The following KLK1 variants were observed in gnomAD, a reference collection of about 807,000 sequenced individuals.
KLK1 encodes kallikrein 1, also known as kallikrein-1.
KLK1 carries 22 observed loss-of-function variants against 23.3 expected under a neutral mutation model. The ratio of observed to expected loss-of-function variants is 0.95; its 90% CI spans 0.68 to 1.35. KLK1 has a LOEUF of 1.35. Among genes scored for constraint, KLK1 ranks in the 40% most tolerant of loss-of-function variants. KLK1 has a pLI of 0.00. For missense variants in KLK1, 301 were observed against 338.9 expected, an observed-to-expected ratio of 0.89 and a Z score of 0.88; for synonymous variants, 140 against 135.8, an observed-to-expected ratio of 1.03 and a Z score of -0.21.
In KLK1 at chr19:50,821,674, A is replaced by C; in HGVS notation, c.206+38T>G. The C allele has an allele frequency of 6.5e-7, 1 of 1,541,050 alleles. No individual in the cohort carries two copies. ...ACTGGCCTGTCAATCCTGTGGCAGC[A>C]TAGATGCCCTCCTCCCAGACCCCAG... On this transcript the variant is annotated intron_variant, in intron 2 of 4. Transcript: ENST00000301420. This position sits in a 1 kb window ranked among gnomAD's most constrained non-coding sequence, Gnocchi z 5.6.
rs528369540 is a variant in KLK1 at position 50,822,755 on chromosome 19, G to T, written c.47-884C>A. 243 of 985,302 alleles carry T rather than the reference G, an allele frequency of 2.5e-4. 2 individuals carry two copies. In the South Asian group the frequency reaches 4.8e-3, roughly 19 times the overall value. 61.0% of individuals were successfully genotyped at this position (985,302 alleles called of 1,614,324 possible). On this transcript the variant is annotated intron_variant, in intron 1 of 4. Transcript: ENST00000301420. ...TGGTCTGAGGGTACTGGAAGGATATGGGGTCCTCTTGGAGGCAATCCTAGG... is the reference window on the plus strand; with the variant it reads ...TGGTCTGAGGGTACTGGAAGGATATTGGGTCCTCTTGGAGGCAATCCTAGG...
chr19:50,822,850 C>T (rs2659058), intron 1 of KLK1: 668,965 of 979,162 alleles, frequency 0.68, 229,176 homozygotes, highest in East Asian at 0.8. Context: ...ACCCACTTGA[C>T]GTGAGGTTGT....
At position 50,822,730 on chromosome 19, in the gene KLK1, T is replaced by C. The variant is rs566532886; in HGVS notation, c.47-859A>G. On this transcript the variant is annotated intron_variant, in intron 1 of 4. Transcript: ENST00000301420. ...TCGTTTCTCATGGGGATGGGGTTCATGGTCTGAGGGTACTGGAAGGATATG... is the reference window on the plus strand; with the variant it reads ...TCGTTTCTCATGGGGATGGGGTTCACGGTCTGAGGGTACTGGAAGGATATG... The C allele has an allele frequency of 2.5e-4, 247 of 985,274 alleles. No individual in the cohort carries two copies. In the African/African-American group the frequency reaches 4.2e-3, roughly 17 times the overall value. 61.0% of individuals were successfully genotyped at this position (985,274 alleles called of 1,614,324 possible).
rs75640863 is a variant in KLK1, at chr19:50,822,866, C to T, written c.46+837G>A. ...CCCACTTGACGTGAGGTTGTAGAAT[C>T]ACATACTGACTTGGGGGAGGCCAGG... On this transcript the variant is annotated intron_variant, in intron 1 of 4. Coordinates refer to ENST00000301420, the MANE Select transcript of KLK1 (RefSeq NM_002257.4). 1,783 of 984,284 alleles carry T rather than the reference C, an allele frequency of 1.8e-3. 4 individuals carry two copies. Among genetic ancestry groups the T allele is most frequent in the African/African-American group, 9.6e-3 (549 of 57,298 alleles). The allele number at this position is 984,284 out of a possible 1,614,324, so 61.0% of individuals were successfully genotyped here.
At position 50,820,233 on chromosome 19, in the gene KLK1, G is replaced by A. The variant is rs764872324; in HGVS notation, c.417C>T (p.Val139=). Reference sequence around the variant, plus strand: ...CGGGTTCCTCGGTGGGCAACTCCACGACCTTCACAGCATCTGTGATGGTAT... The same window carrying A: ...CGGGTTCCTCGGTGGGCAACTCCACAACCTTCACAGCATCTGTGATGGTAT... The part of the protein sequence containing the change: ...PADTITDAVK[V]VELPTEEPEV... Residue 139 remains valine, a synonymous_variant, in exon 3 of 5, where the codon GTC becomes GTT. Transcript: ENST00000301420. 6.8e-6 allele frequency: 11 copies of A among 1,613,126 alleles called. No individual in the cohort carries two copies. The highest frequency in any genetic ancestry group is 1.7e-4 in the Middle Eastern group (1 of 6,058).
At position 50,820,055 on chromosome 19, in the gene KLK1, A is replaced by G. The variant is rs753375522; in HGVS notation, c.497-20T>C. 6.2e-7 allele frequency: 1 copy of G among 1,613,122 alleles called. No homozygotes were observed. Among genetic ancestry groups the G allele is most frequent in the Non-Finnish European group, 8.5e-7 (1 of 1,179,524 alleles). ...ATGAGACTACGAACCCGGGAGAAAA[A>G]GGGCTGCAGCCCGACCTCACCTGCT... On this transcript the variant is annotated intron_variant, in intron 3 of 4. Transcript: ENST00000301420.
chr19:50,820,511 T>TGGGGGTTGGGTTGTTG, intron 2 of KLK1, 68 bp from the exon 3 acceptor site: 1 of 135,884 alleles, frequency 7.4e-6, no homozygotes, highest in Non-Finnish European at 1.5e-5. Flanking sequence ...CAGGGGAGCA[T>TGGGGGTTGGGTTGTTG]GGGGGAGGGT....
In KLK1 at chr19:50,821,221, C is replaced by T. The variant is rs1263433431; in HGVS notation, c.206+491G>A. 6.6e-6 allele frequency among the ~76,000 whole-genome samples: 1 copy of T among 152,164 alleles called. No homozygotes were observed. Among genetic ancestry groups the T allele is most frequent in the Non-Finnish European group, 1.5e-5 (1 of 68,026 alleles). On this transcript the variant is annotated intron_variant, in intron 2 of 4. Coordinates refer to ENST00000301420, the MANE Select transcript of KLK1 (RefSeq NM_002257.4). This position sits in a 1 kb window ranked among gnomAD's most constrained non-coding sequence, Gnocchi z 5.6. ...ATATCCTGTGGGGCGGGGAGCTGGA[C>T]AGAGGGAGAGGCGCCCCCTCCCAGG... is the stretch of plus-strand genomic sequence containing the variant.
intron 1 of KLK1, chr19:50,822,548 T>A (rs1453330317): frequency 1.0e-6 from 1 of 985,210 alleles, no homozygotes; most frequent in Non-Finnish European, 1.2e-6. Flanking sequence ...GAGGTGGGCT[T>A]CCGAGAGGTT....
Position 50,820,625 on chromosome 19 carries a change from T to C in KLK1, c.207-182A>G, listed in dbSNP as rs2659103. 3 of 552,628 alleles carry C rather than the reference T, an allele frequency of 5.4e-6. No individual in the cohort carries two copies. The African/African-American group carries it at 5.7e-5, about 11-fold the overall frequency. 34.2% of individuals were successfully genotyped at this position (552,628 alleles called of 1,614,324 possible). A position where few individuals can be genotyped will look rare whatever the true frequency, so the allele number is the denominator to read the frequency against. On this transcript the variant is annotated intron_variant, in intron 2 of 4. Transcript: ENST00000301420. ...AGACAGCGAATGGGAAGATGAAAGATTTTGAGAGTGCAAAAGGCAAATGAA... is the reference window on the plus strand; with the variant it reads ...AGACAGCGAATGGGAAGATGAAAGACTTTGAGAGTGCAAAAGGCAAATGAA...
chr19:50,820,224 CAACTCCA>C lies in KLK1; in HGVS notation c.419_425del (p.Val140GlyfsTer52). 6.2e-7 allele frequency: 1 copy of C among 1,612,430 alleles called. No individual in the cohort carries two copies. The highest frequency in any genetic ancestry group is 8.5e-7 in the Non-Finnish European group (1 of 1,178,704). ...TCCCCACTTCGGGTTCCTCGGTGGG[CAACTCCA>C]CGACCTTCACAGCATCTGTGATGGT... On this transcript the variant is annotated frameshift_variant, in exon 3 of 5. Transcript: ENST00000301420. LOFTEE classifies it high-confidence loss of function.
At chr19:50,820,729 A>G (rs1297261226) in intron 2 of KLK1, 2 of 318,110 alleles carry the variant, frequency 6.3e-6, no homozygotes, top group Non-Finnish European at 5.8e-6. Flanking sequence ...CAGGGTGAGC[A>G]AAAAAGAGGC....
At chr19:50,823,012 C>T in intron 1 of KLK1, 1 of 597,748 alleles carries the variant, frequency 1.7e-6, no homozygotes, top group Non-Finnish European at 2.1e-6. Context: ...GGAACTTCCC[C>T]AAGGAAAGGA....
chr19:50,820,506 GAGCA>G, intron 2 of KLK1, 63 bp from the exon 3 acceptor site: 8 of 448,532 alleles, frequency 1.8e-5, no homozygotes, highest in Non-Finnish European at 2.6e-5. Context: ...TGGGGCAGGG[GAGCA>G]TGGGGGAGGG....
At position 50,820,138 on chromosome 19, in the gene KLK1, G is replaced by C. The variant is rs1331778159; in HGVS notation, c.496+16C>G. 1 of 1,599,940 alleles carries C rather than the reference G, an allele frequency of 6.3e-7. No homozygotes were observed. Among genetic ancestry groups the C allele is most frequent in the Non-Finnish European group, 8.5e-7 (1 of 1,171,252 alleles). On this transcript the variant is annotated intron_variant, in intron 3 of 4. Coordinates refer to ENST00000301420, the MANE Select transcript of KLK1 (RefSeq NM_002257.4). ...CCCCATCCCCGCCTTGGGCTACACA[G>C]TCTGCCCCCACATACAATTCTCTGG...
Position 50,820,244 on chromosome 19 carries a change from C to T in KLK1, c.406G>A (p.Ala136Thr), listed in dbSNP as rs956120619. ...LTEPADTITD[A>T]VKVVELPTEE... ...GTGGGCAACTCCACGACCTTCACAGCATCTGTGATGGTATCAGCAGGCTCT... is the reference window on the plus strand; with the variant it reads ...GTGGGCAACTCCACGACCTTCACAGTATCTGTGATGGTATCAGCAGGCTCT... Residue 136 changes from alanine to threonine, a missense_variant, in exon 3 of 5, where the codon GCT becomes ACT. Physicochemically the swap from Ala to Thr is moderately conservative, Grantham distance 58 (BLOSUM62 0). Coordinates refer to ENST00000301420, the MANE Select transcript of KLK1 (RefSeq NM_002257.4). 2.5e-6 allele frequency: 4 copies of T among 1,613,940 alleles called. No individual in the cohort carries two copies. Among genetic ancestry groups the T allele is most frequent in the South Asian group, 1.1e-5 (1 of 91,060 alleles).
Position 50,821,948 on chromosome 19 carries a change from G to A in KLK1, c.47-77C>T, listed in dbSNP as rs2089831197. The A allele has an allele frequency of 2.6e-6, 4 of 1,530,210 alleles. No individual in the cohort carries two copies. The East Asian group carries it at 6.9e-5, about 26-fold the overall frequency. 94.8% of individuals were successfully genotyped at this position (1,530,210 alleles called of 1,614,324 possible). A position where few individuals can be genotyped will look rare whatever the true frequency, so the allele number is the denominator to read the frequency against. Reference sequence around the variant, plus strand: ...GGACAAGGCTAGGAGAGGGAGCTGGGCTGTGGGTCTGAAGGGACATTGCGG... The same window carrying A: ...GGACAAGGCTAGGAGAGGGAGCTGGACTGTGGGTCTGAAGGGACATTGCGG... On this transcript the variant is annotated intron_variant, in intron 1 of 4. Transcript: ENST00000301420. The surrounding 1 kb of genome is among the most constrained non-coding windows in gnomAD (Gnocchi z 5.6).
chr19:50,820,188 C>T lies in KLK1; in HGVS notation c.462G>A (p.Leu154=). The T allele has an allele frequency of 6.2e-7, 1 of 1,607,862 alleles. No homozygotes were observed. The highest frequency in any genetic ancestry group is 8.5e-7 in the Non-Finnish European group (1 of 1,175,170). ...GTTCGATGCTGCCCCAGCCGGAAGCCAAACAGGTGCTCCCCACTTCGGGTT... is the reference window on the plus strand; with the variant it reads ...GTTCGATGCTGCCCCAGCCGGAAGCTAAACAGGTGCTCCCCACTTCGGGTT... ...TEEPEVGSTC[L]ASGWGSIEPE... is the part of the protein sequence containing the mutation. The change falls in exon 3 of 5, where the codon TTG becomes TTA. Residue 154 remains leucine, a synonymous_variant. Transcript: ENST00000301420.
chr19:50,823,503 C>G (rs776127934), intron 1 of KLK1, among the ~76,000 whole-genome samples, 200 bp downstream of exon 1: 1 of 151,682 alleles, frequency 6.6e-6, no homozygotes, highest in African/African-American at 2.4e-5. Flanking sequence ...AGCACTATGA[C>G]AACATGGAGG....
Sources: allele counts gnomAD v4.1 joint callset (sites outside exome capture counted in the v4.1 genomes callset), GRCh38; gene constraint gnomAD v4.1.1; non-coding constraint Gnocchi (gnomAD v3.1); transcripts MANE v1.5; gene names NCBI Gene and HGNC (gene_info 2026-07-23, HGNC 2026-07-21).